Variants in RAB14 observed in about 807,000 individuals in gnomAD.
RAB14 encodes ras-related protein Rab-14.
A neutral mutation model predicts 31.1 loss-of-function variants in RAB14; 3 were observed. The ratio of observed to expected loss-of-function variants is 0.10; its 90% CI spans 0.04 to 0.25. The LOEUF is 0.25. Among genes scored for constraint, RAB14 ranks in the 10% least tolerant of loss-of-function variants. The pLI, the probability that RAB14 is intolerant of heterozygous loss-of-function variation, is 1.00. For missense variants in RAB14, 111 were observed against 260.1 expected (o/e 0.43, Z 3.94); for synonymous variants, 85 against 84.9 (o/e 1.00, Z 0.00).
At chr9:121,182,263 A>G (rs113575376) in intron 7 of RAB14, among the ~76,000 whole-genome samples, 14 of 152,316 alleles carry the variant, frequency 9.2e-5, no homozygotes, top group African/African-American at 3.4e-4. Flanking sequence ...AATTCCAAGA[A>G]TAATATGGTC....
chr9:121,181,497 G>A lies in RAB14; in HGVS notation c.547C>T (p.Leu183=). ...TGTACACCAGACTCAGCAGCATTCA[G>A]ATCCAAGCTTCCATCCTGAATGTTC... is the stretch of plus-strand genomic sequence containing the variant. ...YQNIQDGSLD[L]NAAESGVQHK... The change falls in exon 8 of 8, where the codon CTG becomes TTG. Residue 183 remains leucine, a synonymous_variant. Transcript: ENST00000373840. 1 of 1,613,640 alleles carries A rather than the reference G, an allele frequency of 6.2e-7. No individual in the cohort carries two copies.
chr9:121,187,043 T>C lies in RAB14; in HGVS notation c.285-24A>G, dbSNP rs971876551. On this transcript the variant is annotated intron_variant, in intron 4 of 7. Coordinates refer to ENST00000373840, the MANE Select transcript of RAB14 (RefSeq NM_016322.4). ...TTCTGCAAAAATAAAAGTTTAAATTTGTGACTGCCATATAATTATAGAAAA... is the reference window on the plus strand; with the variant it reads ...TTCTGCAAAAATAAAAGTTTAAATTCGTGACTGCCATATAATTATAGAAAA... 84 of 1,411,740 alleles carry C rather than the reference T, an allele frequency of 6.0e-5. No homozygotes were observed. In the Admixed American group the frequency reaches 1.8e-3, roughly 30 times the overall value. 87.5% of individuals were successfully genotyped at this position (1,411,740 alleles called of 1,614,324 possible).
chr9:121,185,420 T>A (rs1022847667), intron 5 of RAB14, among the ~76,000 whole-genome samples: 3 of 152,276 alleles, frequency 2.0e-5, no homozygotes, highest in African/African-American at 7.2e-5. Context: ...CTCAGGCACA[T>A]GTGCGTTCGT....
At chr9:121,186,802 CTG>C in intron 5 of RAB14, 149 bp downstream of exon 5, 1 of 456,424 alleles carries the variant, frequency 2.2e-6, no homozygotes, top group Non-Finnish European at 3.8e-6. Context: ...TGAAAAATAA[CTG>C]TTAGGTTTTC....
rs574185721 is a variant in RAB14 at position 121,200,070 on chromosome 9, T to C, written c.-8+1569A>G. Among the ~76,000 whole-genome samples, 15 of 152,330 alleles carry C rather than the reference T, an allele frequency of 9.8e-5. No homozygotes were observed. The East Asian group carries it at 2.9e-3, about 29-fold the overall frequency. ...GATGCAGGTCCAATTATCCCCTTTA[T>C]AGATAAGGACACTGAGTCCGAAAGG... On this transcript the variant is annotated intron_variant, in intron 1 of 7. Transcript: ENST00000373840.
intron 1 of RAB14, among the ~76,000 whole-genome samples, chr9:121,200,928 G>C (rs1272267434): frequency 1.3e-5 from 2 of 152,210 alleles, no homozygotes; most frequent in Admixed American, 6.5e-5. Context: ...TCTTCTCTTA[G>C]ATTCTAGAAA....
Position 121,183,353 on chromosome 9 carries a change from C to G in RAB14, c.397G>C (p.Asp133His). Residue 133 changes from aspartate (D) to histidine (H), a missense_variant, in exon 6 of 8, where the codon GAT becomes CAT. Coordinates refer to ENST00000373840, the MANE Select transcript of RAB14 (RefSeq NM_016322.4). ...GNKADLEAQR[D>H]VTYEEAKQFA... The stretch of plus-strand genomic sequence containing the variant: ...TGTTTGGCTTCTTCATATGTAACAT[C>G]TCTCTGTGCCTCCAAATCTGCTTTA... The G allele has an allele frequency of 6.2e-7, 1 of 1,611,040 alleles. No individual in the cohort carries two copies. Among genetic ancestry groups the G allele is most frequent in the Non-Finnish European group, 8.5e-7 (1 of 1,178,324 alleles).
At chr9:121,184,910 A>C (rs1472055543) in intron 5 of RAB14, among the ~76,000 whole-genome samples, 4 of 152,228 alleles carry the variant, frequency 2.6e-5, no homozygotes, top group Admixed American at 1.3e-4. Context: ...AAAACAAGAA[A>C]TACTGCCCTG....
intron 5 of RAB14, among the ~76,000 whole-genome samples, chr9:121,184,080 G>T (rs893728729): frequency 6.6e-6 from 1 of 152,208 alleles, no homozygotes. Flanking sequence ...GTCACTCAGT[G>T]AGTCAGTGGT....
intron 1 of RAB14, 51 bp from the exon 2 acceptor site, chr9:121,193,470 A>T: frequency 8.4e-7 from 1 of 1,189,152 alleles, no homozygotes; most frequent in Admixed American, 2.2e-5. Flanking sequence ...TATACAAGTA[A>T]TTCAAACGGA....
chr9:121,199,420 A>G (rs570468591), intron 1 of RAB14, among the ~76,000 whole-genome samples: 3 of 152,228 alleles, frequency 2.0e-5, no homozygotes, highest in Non-Finnish European at 4.4e-5. Flanking sequence ...CATGCCTGGC[A>G]TTTTTTACCA....
At chr9:121,190,972 T>C (rs1174662108) in intron 3 of RAB14, among the ~76,000 whole-genome samples, 1 of 152,112 alleles carries the variant, frequency 6.6e-6, no homozygotes, top group Non-Finnish European at 1.5e-5. Context: ...ATATTTTAAG[T>C]TTTGCAGGTC....
chr9:121,194,837 G>T (rs1165743829), intron 1 of RAB14, among the ~76,000 whole-genome samples: 1 of 152,152 alleles, frequency 6.6e-6, no homozygotes, highest in Non-Finnish European at 1.5e-5. Context: ...GGAAGAGGAA[G>T]TTGTTAATTA....
At chr9:121,194,226 G>A (rs2053703030) in intron 1 of RAB14, among the ~76,000 whole-genome samples, 2 of 151,954 alleles carry the variant, frequency 1.3e-5, no homozygotes. Context: ...ACAGGCATGA[G>A]CCACTGTGCC....
At chr9:121,200,619 G>A (rs2053758811) in intron 1 of RAB14, among the ~76,000 whole-genome samples, 1 of 152,176 alleles carries the variant, frequency 6.6e-6, no homozygotes, top group Non-Finnish European at 1.5e-5. Context: ...GTCATCCAAT[G>A]CGAACACAGT....
chr9:121,183,348 A>G lies in RAB14; in HGVS notation c.402T>C (p.Val134=), dbSNP rs1261970662. 1 of 1,611,380 alleles carries G rather than the reference A, an allele frequency of 6.2e-7. No homozygotes were observed. The highest frequency in any genetic ancestry group is 8.5e-7 in the Non-Finnish European group (1 of 1,178,444). The change falls in exon 6 of 8, where the codon GTT becomes GTC. Residue 134 remains valine, a synonymous_variant. Transcript: ENST00000373840. ...NKADLEAQRD[V]TYEEAKQFAE... Reference sequence around the variant, plus strand: ...CAAACTGTTTGGCTTCTTCATATGTAACATCTCTCTGTGCCTCCAAATCTG... The same window carrying G: ...CAAACTGTTTGGCTTCTTCATATGTGACATCTCTCTGTGCCTCCAAATCTG...
chr9:121,187,424 A>C (rs1283389215), intron 4 of RAB14, among the ~76,000 whole-genome samples: 2 of 152,084 alleles, frequency 1.3e-5, no homozygotes, highest in Non-Finnish European at 2.9e-5. Context: ...AACATGACAC[A>C]TTTAATGGAA....
chr9:121,182,508 C>T (rs1049788628), intron 7 of RAB14, among the ~76,000 whole-genome samples: 10 of 152,214 alleles, frequency 6.6e-5, no homozygotes, highest in Non-Finnish European at 1.0e-4. Context: ...AAAATGTTCA[C>T]TATGCTTCTG....
At chr9:121,186,573 C>G (rs941767330) in intron 5 of RAB14, among the ~76,000 whole-genome samples, 3 of 152,122 alleles carry the variant, frequency 2.0e-5, no homozygotes, top group African/African-American at 7.2e-5. Flanking sequence ...CGCAGATTCA[C>G]ATGCAGTTGT....
Sources: allele counts gnomAD v4.1 joint callset (sites outside exome capture counted in the v4.1 genomes callset), GRCh38; gene constraint gnomAD v4.1.1; transcripts MANE v1.5; gene names NCBI Gene and HGNC (gene_info 2026-07-23, HGNC 2026-07-21).